The following CSMD2 variants were observed in gnomAD, a reference collection of about 807,000 sequenced individuals.
CSMD2 encodes CUB and Sushi multiple domains 2, also known as CUB and sushi domain-containing protein 2.
In CSMD2, 130 loss-of-function variants were observed where a neutral mutation model predicts 398.5. The observed-to-expected ratio is 0.33, with a 90% CI of 0.28 to 0.38. CSMD2 has a LOEUF of 0.38. CSMD2 is among the 10% of genes least tolerant of loss of function. The pLI, the probability that CSMD2 is intolerant of heterozygous loss-of-function variation, is 1.00. For synonymous variants in CSMD2, 1,828 were observed against 1,908.5 expected (o/e 0.96, Z 1.10); for missense variants, 3,829 against 4,764.9 (o/e 0.80, Z 5.78).
chr1:33,618,033 G>C (rs7540452), intron 37 of CSMD2, among the ~76,000 whole-genome samples: 3 of 54,288 alleles, frequency 5.5e-5, no homozygotes, highest in African/African-American at 2.1e-4. Flanking sequence ...GAGACAGAGA[G>C]AGAGAGAGGG....
intron 3 of CSMD2, among the ~76,000 whole-genome samples, chr1:34,011,477 G>C (rs1031308263): frequency 1.3e-5 from 2 of 152,180 alleles, no homozygotes; most frequent in Admixed American, 6.5e-5. Context: ...GTGCCTAAGA[G>C]AGTCCATTCT....
At chr1:33,890,421 G>A in intron 5 of CSMD2, among the ~76,000 whole-genome samples, 1 of 151,878 alleles carries the variant, frequency 6.6e-6, no homozygotes, top group Non-Finnish European at 1.5e-5. Flanking sequence ...TAGTAGAGAC[G>A]GGGTTTCACC....
At chr1:33,897,964 G>T (rs560028552) in intron 5 of CSMD2, among the ~76,000 whole-genome samples, 1 of 152,250 alleles carries the variant, frequency 6.6e-6, no homozygotes, top group Admixed American at 6.5e-5. Flanking sequence ...GTGTAAGGTG[G>T]TCTCAGTCAA....
chr1:33,956,051 C>G (rs1645157837), intron 3 of CSMD2, among the ~76,000 whole-genome samples: 1 of 152,184 alleles, frequency 6.6e-6, no homozygotes. Context: ...GAGTTCAAAC[C>G]TGGCTTGGCC....
At chr1:33,538,957 C>A (rs1399467897) in intron 60 of CSMD2, among the ~76,000 whole-genome samples, 1 of 152,028 alleles carries the variant, frequency 6.6e-6, no homozygotes, top group Non-Finnish European at 1.5e-5. Context: ...GGCTTTGCTG[C>A]AGGAGTAAAG....
chr1:33,850,723 T>A (rs936731043), intron 5 of CSMD2, among the ~76,000 whole-genome samples: 20 of 149,742 alleles, frequency 1.3e-4, no homozygotes, highest in African/African-American at 4.5e-4. Flanking sequence ...CAGTACAACA[T>A]AAAATGTATT....
In CSMD2 at chr1:33,571,576, G is replaced by C; in HGVS notation, c.7913C>G (p.Ala2638Gly). The change falls in exon 51 of 71, where the codon GCC becomes GGC. Residue 2638 changes from alanine (A) to glycine (G), a missense_variant. Physicochemically the swap from Ala to Gly is moderately conservative, Grantham distance 60. Around this residue, in one of 5 missense-constraint regions of CSMD2, gnomAD observed 723 missense variants for 758.6 expected, o/e 0.95. Transcript: ENST00000373381. ...GTCCCCGAGGCTCCATTTGCCATTG[G>C]CCTGACAGCGGATGACCCTTTGGCC... ...YTGQRVIRCQ[A>G]NGKWSLGDST... 1 of 1,538,448 alleles carries C rather than the reference G, an allele frequency of 6.5e-7. No homozygotes were observed. Among genetic ancestry groups the C allele is most frequent in the Non-Finnish European group, 8.9e-7 (1 of 1,129,886 alleles).
At chr1:33,638,248 T>G (rs1642918677) in intron 29 of CSMD2, among the ~76,000 whole-genome samples, 1 of 152,198 alleles carries the variant, frequency 6.6e-6, no homozygotes. Flanking sequence ...CTGGCCAGAA[T>G]AGAACTGGCC....
At chr1:33,925,817 C>T (rs1384088295) in intron 4 of CSMD2, among the ~76,000 whole-genome samples, 1 of 152,086 alleles carries the variant, frequency 6.6e-6, no homozygotes, top group Non-Finnish European at 1.5e-5. Flanking sequence ...CTACTATCTG[C>T]AGCCACCCTG....
At chr1:33,818,026 C>G (rs1657672359) in intron 9 of CSMD2, among the ~76,000 whole-genome samples, 1 of 152,192 alleles carries the variant, frequency 6.6e-6, no homozygotes, top group Non-Finnish European at 1.5e-5. Context: ...AGCCCTTCTC[C>G]ACCCTTGGCA....
chr1:33,963,739 T>C (rs1482104268), intron 3 of CSMD2, among the ~76,000 whole-genome samples: 2 of 152,258 alleles, frequency 1.3e-5, no homozygotes, highest in Non-Finnish European at 2.9e-5. Context: ...TTGTATCAGT[T>C]CCTTCTTGTT....
intron 68 of CSMD2, among the ~76,000 whole-genome samples, chr1:33,520,491 TGA>T (rs1360182006): frequency 1.3e-5 from 2 of 152,176 alleles, no homozygotes; most frequent in East Asian, 3.9e-4. Context: ...GCTGGGGCTC[TGA>T]GAGGGGACAG....
chr1:33,974,898 T>G (rs980200783), intron 3 of CSMD2, among the ~76,000 whole-genome samples: 6 of 152,172 alleles, frequency 3.9e-5, no homozygotes, highest in Non-Finnish European at 7.3e-5. Context: ...CTGCACACTT[T>G]TCATCTTTGA....
intron 11 of CSMD2, among the ~76,000 whole-genome samples, chr1:33,790,703 C>CT (rs79616678): frequency 6.6e-4 from 91 of 137,226 alleles, no homozygotes; most frequent in East Asian, 1.7e-3. Context: ...ATCTATCTAT[C>CT]ATCTATCTGT....
chr1:33,553,625 C>T (rs923158817), intron 55 of CSMD2, among the ~76,000 whole-genome samples: 2 of 152,146 alleles, frequency 1.3e-5, no homozygotes, highest in Admixed American at 6.5e-5. Context: ...GTGAGGAAGG[C>T]ATGTCGGAAG....
At chr1:33,649,876 G>A (rs916133562) in intron 28 of CSMD2, among the ~76,000 whole-genome samples, 4 of 152,140 alleles carry the variant, frequency 2.6e-5, no homozygotes, top group Admixed American at 1.3e-4. Context: ...AGATAAGGCT[G>A]GCTAAGAGAC....
intron 10 of CSMD2, among the ~76,000 whole-genome samples, chr1:33,799,535 G>C (rs1655349741): frequency 1.3e-5 from 2 of 152,310 alleles, no homozygotes; most frequent in South Asian, 2.1e-4. Flanking sequence ...CTCCCTAACA[G>C]AACCCCAACT....
At chr1:33,653,267 CTG>C in intron 27 of CSMD2, among the ~76,000 whole-genome samples, 1 of 152,326 alleles carries the variant, frequency 6.6e-6, no homozygotes, top group South Asian at 2.1e-4. Flanking sequence ...CCGGCACTGT[CTG>C]TACACCTATG....
chr1:33,569,361 A>C lies in CSMD2; in HGVS notation c.8131+13T>G. ...GAAAAACTGGGCAGGATAGGCCTGC[A>C]GAGGTCACTTACCAAGGCAGCGGAC... is the stretch of plus-strand genomic sequence containing the variant. On this transcript the variant is annotated intron_variant, in intron 52 of 70. Coordinates refer to ENST00000373381, the MANE Select transcript of CSMD2 (RefSeq NM_001281956.2). 6.2e-7 allele frequency: 1 copy of C among 1,611,880 alleles called. No homozygotes were observed. The highest frequency in any genetic ancestry group is 8.5e-7 in the Non-Finnish European group (1 of 1,178,564).
Sources: gnomAD v4.1 joint callset for allele counts (sites outside exome capture counted in the v4.1 genomes callset) on GRCh38, gnomAD v4.1.1 for gene constraint, gnomAD v4.1.1 regional missense constraint, MANE v1.5 for transcripts, NCBI Gene and HGNC (gene_info 2026-07-23, HGNC 2026-07-21) for gene names.